ATP8A1: variants seen among roughly 807,000 people sequenced by gnomAD.
ATP8A1 encodes the protein phospholipid-transporting ATPase IA.
ATP8A1 carries 90 observed loss-of-function variants against 177.7 expected under a neutral mutation model. The observed-to-expected ratio is 0.51, with a 90% CI of 0.43 to 0.60. The LOEUF (loss-of-function observed/expected upper bound fraction) is 0.60. ATP8A1 is among the 20% of genes least tolerant of loss of function. The pLI is 0.00. For missense variants in ATP8A1, 1,072 were observed against 1,392.8 expected, an observed-to-expected ratio of 0.77 and a Z score of 3.67; for synonymous variants, 493 against 485.9, an observed-to-expected ratio of 1.01 and a Z score of -0.19.
chr4:42,583,005 A>T (rs2109348276), intron 9 of ATP8A1, among the ~76,000 whole-genome samples: 1 of 152,356 alleles, frequency 6.6e-6, no homozygotes, highest in South Asian at 2.1e-4. Context: ...ATATTTAAAA[A>T]TTCTGGAAAA....
chr4:42,425,468 T>G (rs1011291347), intron 33 of ATP8A1, among the ~76,000 whole-genome samples: 1 of 152,052 alleles, frequency 6.6e-6, no homozygotes, highest in African/African-American at 2.4e-5. Flanking sequence ...GCCTGTCAGT[T>G]TTTTTTTCTT....
chr4:42,522,100 A>G (rs1245676782), intron 22 of ATP8A1, 60 bp downstream of exon 22: 1 of 1,545,256 alleles, frequency 6.5e-7, no homozygotes, highest in Non-Finnish European at 8.7e-7. Context: ...TTCCTTGAAT[A>G]AAGATCAAAA....
At chr4:42,647,571 ATTAC>A (rs1204767140) in intron 1 of ATP8A1, among the ~76,000 whole-genome samples, 2 of 150,862 alleles carry the variant, frequency 1.3e-5, no homozygotes, top group Non-Finnish European at 3.0e-5. Context: ...TAAATACACT[ATTAC>A]TTGTATTATT....
intron 27 of ATP8A1, 151 bp downstream of exon 27, chr4:42,464,539 A>C: frequency 1.9e-6 from 1 of 525,904 alleles, no homozygotes; most frequent in Non-Finnish European, 3.4e-6. Context: ...TGCTGGGATT[A>C]CAGGCCACCT....
At chr4:42,567,664 G>A (rs976117026) in intron 15 of ATP8A1, among the ~76,000 whole-genome samples, 1 of 152,150 alleles carries the variant, frequency 6.6e-6, no homozygotes, top group African/African-American at 2.4e-5. Flanking sequence ...TGACAAAGCT[G>A]ACAATTTCTT....
intron 36 of ATP8A1, among the ~76,000 whole-genome samples, chr4:42,414,006 A>C (rs1028751682): frequency 2.9e-4 from 44 of 152,382 alleles, no homozygotes; most frequent in African/African-American, 9.9e-4. Flanking sequence ...CCCCAAGGGG[A>C]TCACATCTTT....
At chr4:42,616,668 A>G (rs1007468553) in intron 4 of ATP8A1, among the ~76,000 whole-genome samples, 2 of 152,186 alleles carry the variant, frequency 1.3e-5, no homozygotes, top group East Asian at 1.9e-4. Context: ...CTTGCAACCG[A>G]AAGCCATTGA....
intron 1 of ATP8A1, among the ~76,000 whole-genome samples, chr4:42,655,679 T>C (rs765077694): frequency 6.6e-6 from 1 of 152,174 alleles, no homozygotes; most frequent in African/African-American, 2.4e-5. Context: ...CTTCGTCTTC[T>C]CCCCACAGCA....
intron 4 of ATP8A1, 130 bp downstream of exon 4, chr4:42,624,406 G>T: frequency 2.1e-6 from 1 of 479,800 alleles, no homozygotes; most frequent in Non-Finnish European, 3.6e-6. Flanking sequence ...ACATATTCTA[G>T]ACATTTTGAA....
rs756262527 is a variant in ATP8A1, at chr4:42,516,302, T to G, written c.1947+5858A>C. Among the ~76,000 whole-genome samples, 74 of 152,288 alleles carry G rather than the reference T, an allele frequency of 4.9e-4. 1 individual carries two copies. The highest frequency in any genetic ancestry group is 7.8e-4 in the Admixed American group (12 of 15,292). ...AAAAGGCTTGACAGCAGAGTTACAG[T>G]GTTCTGAGTTTACTCTTAAGCTCAG... On this transcript the variant is annotated intron_variant, in intron 22 of 36. Transcript: ENST00000381668.
intron 34 of ATP8A1, among the ~76,000 whole-genome samples, 199 bp from the exon 35 acceptor site, chr4:42,423,098 G>A (rs190934392): frequency 6.6e-6 from 1 of 151,722 alleles, no homozygotes; most frequent in African/African-American, 2.4e-5. Flanking sequence ...TGATGGTTTA[G>A]GTTTACAATA....
chr4:42,571,463 ATTTTTTTT>A (rs5857852), intron 14 of ATP8A1, among the ~76,000 whole-genome samples: 31 of 142,668 alleles, frequency 2.2e-4, no homozygotes, highest in African/African-American at 8.0e-4. Context: ...AAAGGTCTAA[ATTTTTTTT>A]TTTTTTTTTT....
At chr4:42,502,259 C>T (rs1196534241) in intron 24 of ATP8A1, among the ~76,000 whole-genome samples, 4 of 152,084 alleles carry the variant, frequency 2.6e-5, no homozygotes, top group Non-Finnish European at 5.9e-5. Context: ...AACAGGCAGT[C>T]CAAGTACCTT....
intron 27 of ATP8A1, among the ~76,000 whole-genome samples, chr4:42,460,712 G>C (rs1254168359): frequency 6.6e-6 from 1 of 152,140 alleles, no homozygotes; most frequent in Non-Finnish European, 1.5e-5. Context: ...TGACAGACGT[G>C]TAGAAACAGT....
intron 1 of ATP8A1, among the ~76,000 whole-genome samples, chr4:42,645,676 C>A (rs999594992): frequency 2.6e-5 from 4 of 152,224 alleles, no homozygotes; most frequent in Admixed American, 2.0e-4. Flanking sequence ...TCCCACTGCC[C>A]TGTCCACATT....
intron 25 of ATP8A1, chr4:42,472,460 G>A (rs1332904004): frequency 9.7e-6 from 3 of 309,254 alleles, no homozygotes; most frequent in Non-Finnish European, 1.9e-5. Context: ...ACAAGAAAGA[G>A]AAATTTGGCC....
At chr4:42,413,315 G>T (rs1313053420) in intron 36 of ATP8A1, among the ~76,000 whole-genome samples, 1 of 152,082 alleles carries the variant, frequency 6.6e-6, no homozygotes, top group African/African-American at 2.4e-5. Flanking sequence ...TCTAATTTTT[G>T]CTTCCCCAAT....
At chr4:42,510,562 T>C (rs1233810625) in intron 22 of ATP8A1, among the ~76,000 whole-genome samples, 1 of 152,082 alleles carries the variant, frequency 6.6e-6, no homozygotes, top group Non-Finnish European at 1.5e-5. Flanking sequence ...AGCTTATTAA[T>C]ACAAGCCCTC....
At chr4:42,533,780 GCTACCTC>G (rs1364653976) in intron 20 of ATP8A1, among the ~76,000 whole-genome samples, 1 of 152,092 alleles carries the variant, frequency 6.6e-6, no homozygotes, top group Non-Finnish European at 1.5e-5. Flanking sequence ...TCACTACCCT[GCTACCTC>G]CACCAAAGCA....
Sources: allele counts gnomAD v4.1 joint callset (sites outside exome capture counted in the v4.1 genomes callset), GRCh38; gene constraint gnomAD v4.1.1; transcripts MANE v1.5; gene names NCBI Gene and HGNC (gene_info 2026-07-23, HGNC 2026-07-21).